The following RBFOX1 variants were observed in gnomAD, a reference collection of about 807,000 sequenced individuals.
RBFOX1 encodes the protein RNA binding fox-1 homolog 1, also known as RNA binding protein fox-1 homolog 1.
Under a neutral mutation model 57.7 loss-of-function variants are expected in RBFOX1, and 8 were observed. The ratio of observed to expected loss-of-function variants is 0.14; its 90% CI spans 0.08 to 0.25. The LOEUF (loss-of-function observed/expected upper bound fraction) is 0.25, where lower values mean the gene tolerates loss of function less well. RBFOX1 is among the 10% of genes least tolerant of loss of function. The probability of loss-of-function intolerance (pLI) is 1.00; values close to 1 mark genes in which losing one functional copy is unlikely to be tolerated. For missense variants in RBFOX1, 611 were observed against 548.5 expected (o/e 1.11, Z -1.14); for synonymous variants, 326 against 222.4 (o/e 1.47, Z -4.15).
At chr16:5,340,506 T>C (rs191315043) in intron 1 of RBFOX1, among the ~76,000 whole-genome samples, 6 of 152,358 alleles carry the variant, frequency 3.9e-5, no homozygotes, top group Admixed American at 1.3e-4. Context: ...CATGTGTCAT[T>C]CCTGAAGTAG....
intron 5 of RBFOX1, among the ~76,000 whole-genome samples, chr16:7,573,436 C>G (rs1285697056): frequency 6.6e-6 from 1 of 152,098 alleles, no homozygotes; most frequent in Non-Finnish European, 1.5e-5. Flanking sequence ...ACTGACTGCC[C>G]TCAATTTCCT....
intron 4 of RBFOX1, among the ~76,000 whole-genome samples, chr16:7,361,317 T>A (rs963563207): frequency 2.0e-5 from 3 of 152,238 alleles, no homozygotes; most frequent in Non-Finnish European, 4.4e-5. Context: ...TAGGTGGCAC[T>A]TAGAGGATGC....
At chr16:6,369,258 G>A (rs1040254225) in intron 2 of RBFOX1, among the ~76,000 whole-genome samples, 2 of 152,124 alleles carry the variant, frequency 1.3e-5, no homozygotes, top group African/African-American at 4.8e-5. Flanking sequence ...AAACAAAATT[G>A]ATATGCTCAC....
At chr16:6,959,885 G>A (rs564464695) in intron 3 of RBFOX1, among the ~76,000 whole-genome samples, 5 of 152,214 alleles carry the variant, frequency 3.3e-5, no homozygotes, top group African/African-American at 9.6e-5. Flanking sequence ...GTAGTGAGCT[G>A]AGATTGTGCC....
intron 3 of RBFOX1, among the ~76,000 whole-genome samples, chr16:5,612,212 CTCAT>C (rs57482052): frequency 4.9e-5 from 7 of 143,922 alleles, no homozygotes; most frequent in South Asian, 2.3e-4. Context: ...CCCCTCCACT[CTCAT>C]TCATTCATTC....
At chr16:6,986,865 C>T (rs538936499) in intron 3 of RBFOX1, among the ~76,000 whole-genome samples, 25 of 152,136 alleles carry the variant, frequency 1.6e-4, no homozygotes, top group Non-Finnish European at 2.4e-4. Flanking sequence ...ATAATCCCAT[C>T]TTAGAATCCT....
At chr16:7,163,473 C>T (rs979064808) in intron 4 of RBFOX1, among the ~76,000 whole-genome samples, 2 of 152,112 alleles carry the variant, frequency 1.3e-5, no homozygotes, top group African/African-American at 4.8e-5. Flanking sequence ...CCTTCACCCT[C>T]TGATCTGCCC....
intron 3 of RBFOX1, among the ~76,000 whole-genome samples, chr16:6,957,683 C>A (rs189350006): frequency 6.6e-6 from 1 of 152,208 alleles, no homozygotes; most frequent in African/African-American, 2.4e-5. Context: ...AATGCCTTAA[C>A]CTCAGGGGAA....
intron 4 of RBFOX1, among the ~76,000 whole-genome samples, chr16:7,201,273 G>C (rs917039588): frequency 3.3e-5 from 5 of 152,142 alleles, no homozygotes; most frequent in African/African-American, 1.2e-4. Flanking sequence ...CAGCATAGCA[G>C]AGAAACAACG....
intron 2 of RBFOX1, among the ~76,000 whole-genome samples, chr16:6,332,898 G>C (rs2083209938): frequency 6.6e-6 from 1 of 152,112 alleles, no homozygotes; most frequent in Admixed American, 6.5e-5. Flanking sequence ...ATAGAACATA[G>C]ATGATCAATA....
intron 4 of RBFOX1, among the ~76,000 whole-genome samples, chr16:5,885,435 G>A (rs1019245719): frequency 2.0e-5 from 3 of 151,930 alleles, no homozygotes. Flanking sequence ...GCAAGGTTAA[G>A]AAAAGCATCA....
chr16:5,776,452 G>T (rs544142989), intron 3 of RBFOX1, among the ~76,000 whole-genome samples: 2 of 152,348 alleles, frequency 1.3e-5, no homozygotes, highest in Non-Finnish European at 2.9e-5. Flanking sequence ...CAGAATCTCA[G>T]TGAGCCTTCT....
At chr16:6,924,827 CCCCCT>C (rs1361087904) in intron 3 of RBFOX1, among the ~76,000 whole-genome samples, 1 of 70,494 alleles carries the variant, frequency 1.4e-5, no homozygotes, top group Non-Finnish European at 3.3e-5. Flanking sequence ...GCTATCCCTC[CCCCCT>C]CCCCCTCCCC....
Position 7,568,806 on chromosome 16 carries a change from G to C in RBFOX1, c.271-10971G>C, listed in dbSNP as rs534180047. 2.2e-5 allele frequency among the ~76,000 whole-genome samples: 3 copies of C among 138,028 alleles called. 1 individual carries two copies. Among genetic ancestry groups the C allele is most frequent in the African/African-American group, 7.9e-5 (3 of 37,740 alleles). 90.6% of individuals were successfully genotyped at this position (138,028 alleles called of 152,430 possible). A position where few individuals can be genotyped will look rare whatever the true frequency, so the allele number is the denominator to read the frequency against. On this transcript the variant is annotated intron_variant, in intron 5 of 15. Transcript: ENST00000550418. Reference sequence around the variant, plus strand: ...GGAGGCTGAGGCAGGAGAATGGCGTGAACCCGGGAGGCGGAGCTTACAGTG... The same window carrying C: ...GGAGGCTGAGGCAGGAGAATGGCGTCAACCCGGGAGGCGGAGCTTACAGTG...
At chr16:5,768,521 A>G (rs1032824652) in intron 3 of RBFOX1, among the ~76,000 whole-genome samples, 1 of 152,164 alleles carries the variant, frequency 6.6e-6, no homozygotes, top group Admixed American at 6.5e-5. Context: ...AATGCAGAAT[A>G]CCATTTTTCC....
intron 1 of RBFOX1, among the ~76,000 whole-genome samples, chr16:6,152,198 C>A (rs532270249): frequency 6.6e-6 from 1 of 152,144 alleles, no homozygotes; most frequent in African/African-American, 2.4e-5. Flanking sequence ...TTGTCTGAGT[C>A]AATCCAATGG....
chr16:7,209,590 C>A (rs774925629), intron 4 of RBFOX1, among the ~76,000 whole-genome samples: 3 of 152,154 alleles, frequency 2.0e-5, no homozygotes, highest in Admixed American at 6.5e-5. Flanking sequence ...ACCTTCTCAT[C>A]AAAAATGGCT....
At chr16:7,046,122 AG>A (rs1338045059) in intron 3 of RBFOX1, among the ~76,000 whole-genome samples, 2 of 152,192 alleles carry the variant, frequency 1.3e-5, no homozygotes, top group Non-Finnish European at 2.9e-5. Context: ...AGCATTAAGA[AG>A]GAAGCATTGC....
chr16:5,945,677 C>T (rs180878985), intron 4 of RBFOX1, among the ~76,000 whole-genome samples: 18 of 152,224 alleles, frequency 1.2e-4, no homozygotes, highest in African/African-American at 4.1e-4. Flanking sequence ...AGCACCCCTG[C>T]CCTTCTGCAC....
Sources: allele counts gnomAD v4.1 joint callset (sites outside exome capture counted in the v4.1 genomes callset), GRCh38; gene constraint gnomAD v4.1.1; transcripts MANE v1.5; gene names NCBI Gene and HGNC (gene_info 2026-07-23, HGNC 2026-07-21).